The following UBAC2 variants were observed in gnomAD, a reference collection of about 807,000 sequenced individuals.
UBAC2 encodes ubiquitin-associated domain-containing protein 2.
Under a neutral mutation model 44.0 loss-of-function variants are expected in UBAC2, and 26 were observed. The observed-to-expected ratio is 0.59, with a 90% CI of 0.43 to 0.82. UBAC2 has a LOEUF of 0.82. Ranked by LOEUF, UBAC2 falls within the 40% of genes least tolerant of loss-of-function variation. UBAC2 has a pLI of 0.00. For missense variants in UBAC2, 329 were observed against 419.4 expected (o/e 0.78, Z 1.88); for synonymous variants, 155 against 154.3 (o/e 1.00, Z -0.04).
intron 6 of UBAC2, among the ~76,000 whole-genome samples, chr13:99,319,124 C>G (rs1201532144): frequency 6.6e-6 from 1 of 152,076 alleles, no homozygotes; most frequent in African/African-American, 2.4e-5. Context: ...ACCAAGCAAC[C>G]TCAGTATGTT....
At chr13:99,332,605 A>G (rs1250675227) in intron 6 of UBAC2, among the ~76,000 whole-genome samples, 1 of 152,134 alleles carries the variant, frequency 6.6e-6, no homozygotes, top group African/African-American at 2.4e-5. Context: ...TTGCGTGACC[A>G]TGTGTCCCCT....
At chr13:99,281,354 T>G (rs2043952131) in intron 4 of UBAC2, among the ~76,000 whole-genome samples, 1 of 152,148 alleles carries the variant, frequency 6.6e-6, no homozygotes, top group Non-Finnish European at 1.5e-5. Context: ...ATATAATCCA[T>G]TCATTCTTAT....
chr13:99,264,535 C>T (rs1266179390), intron 4 of UBAC2, among the ~76,000 whole-genome samples: 2 of 152,004 alleles, frequency 1.3e-5, no homozygotes, highest in Non-Finnish European at 2.9e-5. Context: ...TTTTTCCTGT[C>T]TTTAGACTGG....
chr13:99,283,026 A>G (rs371570537), intron 4 of UBAC2, among the ~76,000 whole-genome samples: 2 of 152,232 alleles, frequency 1.3e-5, no homozygotes, highest in Non-Finnish European at 2.9e-5. Flanking sequence ...GAAGTAATAG[A>G]ATGAATTCTG....
intron 7 of UBAC2, among the ~76,000 whole-genome samples, chr13:99,348,440 G>A (rs1055793451): frequency 6.6e-5 from 10 of 152,162 alleles, no homozygotes; most frequent in African/African-American, 9.7e-5. Flanking sequence ...TTTCAGTCAC[G>A]GGGGGCCTTA....
In UBAC2 at chr13:99,347,323, C is replaced by G. The variant is rs376775893; in HGVS notation, c.807+6758C>G. 1.0e-4 allele frequency among the ~76,000 whole-genome samples: 7 copies of G among 67,672 alleles called. 1 individual carries two copies. The highest frequency in any genetic ancestry group is 3.4e-4 in the Admixed American group (3 of 8,760). The allele number at this position is 67,672 out of a possible 152,430, so 44.4% of individuals were successfully genotyped here. A position where few individuals can be genotyped will look rare whatever the true frequency, so the allele number is the denominator to read the frequency against. On this transcript the variant is annotated intron_variant, in intron 7 of 8. Transcript: ENST00000403766. ...CAGACGTTACTATCCCCGGGCGCCCCCCCCCCCCCCCAGGAAAAAAAAGGC... is the reference window on the plus strand; with the variant it reads ...CAGACGTTACTATCCCCGGGCGCCCGCCCCCCCCCCCAGGAAAAAAAAGGC...
chr13:99,342,264 G>C (rs2036349368), intron 7 of UBAC2, among the ~76,000 whole-genome samples: 1 of 152,216 alleles, frequency 6.6e-6, no homozygotes, highest in African/African-American at 2.4e-5. Context: ...GACCAGTCCT[G>C]TTGGGTAAGT....
intron 4 of UBAC2, among the ~76,000 whole-genome samples, chr13:99,268,292 G>C (rs1181166913): frequency 1.3e-5 from 2 of 152,308 alleles, no homozygotes; most frequent in South Asian, 4.1e-4. Context: ...GCAAGCTGGA[G>C]TTTTGGGCTT....
chr13:99,338,218 C>T (rs888129335), intron 6 of UBAC2, among the ~76,000 whole-genome samples: 8 of 151,698 alleles, frequency 5.3e-5, no homozygotes, highest in South Asian at 2.1e-4. Context: ...CCACCACGCC[C>T]GGCTAATTTT....
intron 7 of UBAC2, 134 bp from the exon 8 acceptor site, chr13:99,367,653 C>A: frequency 8.0e-7 from 1 of 1,247,532 alleles, no homozygotes; most frequent in Non-Finnish European, 1.1e-6. Flanking sequence ...ATTTGAATTG[C>A]TTGCATAGAG....
At chr13:99,384,059 C>A (rs1461010962) in intron 8 of UBAC2, among the ~76,000 whole-genome samples, 1 of 152,226 alleles carries the variant, frequency 6.6e-6, no homozygotes, top group Non-Finnish European at 1.5e-5. Flanking sequence ...CCCGGCCCCT[C>A]CTCCAGCCAC....
chr13:99,242,347 C>T (rs2043314837), intron 2 of UBAC2, among the ~76,000 whole-genome samples: 2 of 150,620 alleles, frequency 1.3e-5, no homozygotes, highest in African/African-American at 4.9e-5. Context: ...CCCCACCTCC[C>T]TCCCGGACGG....
intron 8 of UBAC2, among the ~76,000 whole-genome samples, chr13:99,371,968 G>A (rs990927982): frequency 2.6e-5 from 4 of 152,190 alleles, no homozygotes; most frequent in East Asian, 1.9e-4. Flanking sequence ...AAGATTTTTA[G>A]TTCTTCAGAA....
intron 4 of UBAC2, among the ~76,000 whole-genome samples, chr13:99,263,124 C>G (rs1052708116): frequency 6.6e-6 from 1 of 152,102 alleles, no homozygotes; most frequent in African/African-American, 2.4e-5. Flanking sequence ...TATTATACTT[C>G]GTTTTAGTAA....
intron 4 of UBAC2, among the ~76,000 whole-genome samples, chr13:99,278,858 A>C (rs2138680229): frequency 6.6e-6 from 1 of 152,314 alleles, no homozygotes; most frequent in East Asian, 1.9e-4. Flanking sequence ...ACATCACTTG[A>C]ATCTAAAACC....
At position 99,285,928 on chromosome 13, in the gene UBAC2, C is replaced by T. The variant is rs559171340; in HGVS notation, c.390-28169C>T. ...CGGGGTGCCAGAGTTCACAGTTCAA[C>T]TCCCTGAAACTCCCTGATCCCTAGA... On this transcript the variant is annotated intron_variant, in intron 4 of 8. Transcript: ENST00000403766. Among the ~76,000 whole-genome samples the T allele has an allele frequency of 4.7e-4, 72 of 152,246 alleles. No homozygotes were observed. The South Asian group carries it at 6.6e-3, about 14-fold the overall frequency.
intron 4 of UBAC2, among the ~76,000 whole-genome samples, chr13:99,250,419 A>G (rs1043313101): frequency 6.6e-6 from 1 of 152,104 alleles, no homozygotes; most frequent in Non-Finnish European, 1.5e-5. Flanking sequence ...ACTGGTCTGT[A>G]TGTCTGTTTT....
At chr13:99,264,720 C>G (rs2043718164) in intron 4 of UBAC2, among the ~76,000 whole-genome samples, 1 of 152,202 alleles carries the variant, frequency 6.6e-6, no homozygotes, top group Non-Finnish European at 1.5e-5. Context: ...CTCCCCAACT[C>G]TTTGCATTGC....
At chr13:99,351,195 A>G (rs1040146231) in intron 7 of UBAC2, among the ~76,000 whole-genome samples, 21 of 152,232 alleles carry the variant, frequency 1.4e-4, no homozygotes, top group African/African-American at 4.6e-4. Context: ...TCTATCAGAT[A>G]TTAGTTATTA....
Sources: allele counts gnomAD v4.1 joint callset (sites outside exome capture counted in the v4.1 genomes callset), GRCh38; gene constraint gnomAD v4.1.1; transcripts MANE v1.5; gene names NCBI Gene and HGNC (gene_info 2026-07-23, HGNC 2026-07-21).